Variants in TTC39B observed in about 807,000 individuals in gnomAD.
TTC39B encodes the protein tetratricopeptide repeat domain 39B.
In TTC39B, 92 loss-of-function variants were observed where a neutral mutation model predicts 96.6. The observed-to-expected ratio is 0.95, with a 90% CI of 0.80 to 1.13. The LOEUF (loss-of-function observed/expected upper bound fraction) is 1.13, where lower values mean the gene tolerates loss of function less well. Among genes scored for constraint, TTC39B ranks in the 50% most tolerant of loss-of-function variants. The probability of loss-of-function intolerance (pLI) is 0.00; values close to 1 mark genes in which losing one functional copy is unlikely to be tolerated. For missense variants in TTC39B, 955 were observed against 809.3 expected (o/e 1.18, Z -2.18); for synonymous variants, 367 against 299.4 (o/e 1.23, Z -2.33).
chr9:15,267,950 TG>T lies in TTC39B; in HGVS notation c.241-3del, dbSNP rs35213800. ...TTCCAAGGCATCTTCGAAAACGTCCTGGGGGAAATAAAAAATACAATGAGTT... is the reference window on the plus strand; with the variant it reads ...TTCCAAGGCATCTTCGAAAACGTCCTGGGGAAATAAAAAATACAATGAGTT... On this transcript the variant is annotated splice_polypyrimidine_tract_variant and splice_region_variant and intron_variant, in intron 1 of 19. Transcript: ENST00000512701. 1.9e-6 allele frequency: 3 copies of T among 1,609,852 alleles called. No homozygotes were observed. The highest frequency in any genetic ancestry group is 1.3e-5 in the African/African-American group (1 of 74,778).
intron 1 of TTC39B, among the ~76,000 whole-genome samples, chr9:15,295,989 C>T (rs1824360445): frequency 6.6e-6 from 1 of 152,154 alleles, no homozygotes; most frequent in South Asian, 2.1e-4. Flanking sequence ...TTGTCTACCT[C>T]CTCTCAAAAA....
chr9:15,215,138 C>G (rs1820437501), intron 3 of TTC39B, among the ~76,000 whole-genome samples: 1 of 152,046 alleles, frequency 6.6e-6, no homozygotes, highest in Non-Finnish European at 1.5e-5. Context: ...GCCTGTAATC[C>G]CAGCTACAGG....
At chr9:15,230,567 T>G (rs903741643) in intron 2 of TTC39B, among the ~76,000 whole-genome samples, 1 of 152,256 alleles carries the variant, frequency 6.6e-6, no homozygotes, top group African/African-American at 2.4e-5. Flanking sequence ...TTTATTCCTT[T>G]TTATTACCTA....
At position 15,172,084 on chromosome 9, in the gene TTC39B, C is replaced by A. The variant is rs1817691388; in HGVS notation, c.1984G>T (p.Glu662Ter). 6.2e-7 allele frequency: 1 copy of A among 1,612,240 alleles called. No individual in the cohort carries two copies. Among genetic ancestry groups the A allele is most frequent in the South Asian group, 1.1e-5 (1 of 90,964 alleles). The change falls in exon 20 of 20, where the codon GAG (glutamate) becomes TAG (stop). Residue 662 changes from glutamate to a stop codon, truncating the protein, a stop_gained. Coordinates refer to ENST00000512701, the Ensembl canonical transcript of TTC39B. LOFTEE classifies it high-confidence loss of function. ...TGAATTCTGAAGTGTAGTCTGGACT[C>A]CAGGGAGTAATCTTTGTAGTTGTTC...
exon 19 of TTC39B, chr9:15,175,050 C>G (rs1408428399): frequency 1.9e-6 from 3 of 1,613,674 alleles, no homozygotes; most frequent in Non-Finnish European, 2.5e-6. Context: ...ATGGCCTTGT[C>G]AATTTCCCCC....
intron 6 of TTC39B, among the ~76,000 whole-genome samples, chr9:15,206,939 TG>T (rs938998613): frequency 6.6e-5 from 10 of 152,114 alleles, no homozygotes; most frequent in African/African-American, 2.4e-4. Context: ...GTTTGGATCA[TG>T]GGGGTGGTTT....
At chr9:15,202,980 C>T (rs1233366796) in intron 7 of TTC39B, among the ~76,000 whole-genome samples, 1 of 152,068 alleles carries the variant, frequency 6.6e-6, no homozygotes, top group Non-Finnish European at 1.5e-5. Flanking sequence ...TGTTTAGTGA[C>T]TTCTAAAAAC....
chr9:15,170,584 C>A (rs1199354606), exon 20 of TTC39B: 2 of 152,138 alleles, frequency 1.3e-5, no homozygotes, highest in African/African-American at 2.4e-5. Flanking sequence ...GGCAACTGAA[C>A]CCCTGAAAAG....
intron 16 of TTC39B, chr9:15,183,330 A>G (rs1398439013): frequency 2.3e-6 from 1 of 431,472 alleles, no homozygotes; most frequent in Non-Finnish European, 4.5e-6. Flanking sequence ...AGTTCAATTC[A>G]ATAACAGAAT....
At chr9:15,213,263 A>T (rs1174882961) in intron 4 of TTC39B, among the ~76,000 whole-genome samples, 1 of 152,138 alleles carries the variant, frequency 6.6e-6, no homozygotes. Context: ...AAAGCAGAGG[A>T]CAGGCAAGGT....
At chr9:15,198,030 A>G (rs1027830603) in intron 8 of TTC39B, among the ~76,000 whole-genome samples, 1 of 152,228 alleles carries the variant, frequency 6.6e-6, no homozygotes, top group African/African-American at 2.4e-5. Context: ...TATATTTACC[A>G]TTTTGAATAA....
chr9:15,268,317 A>G (rs374751165), intron 1 of TTC39B, among the ~76,000 whole-genome samples: 20 of 152,274 alleles, frequency 1.3e-4, no homozygotes, highest in African/African-American at 3.4e-4. Flanking sequence ...TTCTTTCTCC[A>G]TGGCTAGCCA....
chr9:15,166,982 T>TTTTTTATATA (rs1387664027), exon 20 of TTC39B: 11 of 20,280 alleles, frequency 5.4e-4, no homozygotes, highest in South Asian at 2.9e-3. Flanking sequence ...AACCTTTATT[T>TTTTTTATATA]TATATATATA....
At chr9:15,185,229 G>GT in intron 16 of TTC39B, 51 bp downstream of exon 16, 1 of 1,561,926 alleles carries the variant, frequency 6.4e-7, no homozygotes. Flanking sequence ...CCCTGCTGCT[G>GT]TGAGTAGGTA....
At chr9:15,214,432 C>T (rs1820398449) in intron 3 of TTC39B, among the ~76,000 whole-genome samples, 183 bp from the exon 4 acceptor site, 1 of 151,480 alleles carries the variant, frequency 6.6e-6, no homozygotes, top group East Asian at 1.9e-4. Flanking sequence ...AAATGTGCTT[C>T]ATTGGAAAAC....
At chr9:15,251,700 C>CATACAT (rs1554624735) in intron 2 of TTC39B, among the ~76,000 whole-genome samples, 6 of 98,370 alleles carry the variant, frequency 6.1e-5, no homozygotes, top group African/African-American at 1.9e-4. Context: ...CATACATATA[C>CATACAT]ATATATATAT....
At chr9:15,302,371 CT>C (rs1824622352) in intron 1 of TTC39B, among the ~76,000 whole-genome samples, 1 of 150,812 alleles carries the variant, frequency 6.6e-6, no homozygotes, top group Admixed American at 6.6e-5. Context: ...AATCCCAGCA[CT>C]TTGGGAGGTC....
intron 3 of TTC39B, among the ~76,000 whole-genome samples, chr9:15,221,140 C>A (rs1268676136): frequency 6.6e-6 from 1 of 152,134 alleles, no homozygotes; most frequent in Non-Finnish European, 1.5e-5. Flanking sequence ...TCTGCAGATA[C>A]CCCGTTTCAC....
intron 3 of TTC39B, among the ~76,000 whole-genome samples, chr9:15,219,389 G>T (rs1820714488): frequency 6.6e-6 from 1 of 152,098 alleles, no homozygotes; most frequent in Admixed American, 6.5e-5. Flanking sequence ...CAGTTTCTCT[G>T]CACTTTGCTC....
Sources: gnomAD v4.1 joint callset for allele counts (sites outside exome capture counted in the v4.1 genomes callset) on GRCh38, gnomAD v4.1.1 for gene constraint, MANE v1.5 for transcripts, NCBI Gene and HGNC (gene_info 2026-07-23, HGNC 2026-07-21) for gene names.